PLA2G4E: variants seen among roughly 807,000 people sequenced by gnomAD.
The protein encoded by PLA2G4E is phospholipase A2 group IVE.
A neutral mutation model predicts 109.1 loss-of-function variants in PLA2G4E; 84 were observed. The ratio of observed to expected loss-of-function variants is 0.77; its 90% CI spans 0.65 to 0.92. The LOEUF is 0.92. PLA2G4E is among the 40% of genes least tolerant of loss of function. The probability of loss-of-function intolerance (pLI) is 0.00; values close to 1 mark genes in which losing one functional copy is unlikely to be tolerated. For missense variants in PLA2G4E, 1,057 were observed against 1,076.6 expected, an observed-to-expected ratio of 0.98 and a Z score of 0.25; for synonymous variants, 469 against 436.1, an observed-to-expected ratio of 1.08 and a Z score of -0.94.
chr15:42,008,418 A>G (rs1264882037), intron 2 of PLA2G4E, among the ~76,000 whole-genome samples: 1 of 152,184 alleles, frequency 6.6e-6, no homozygotes, highest in African/African-American at 2.4e-5. Flanking sequence ...CCATCTCCAT[A>G]TGGCTTAATG....
chr15:42,005,731 T>A (rs1166330250), intron 4 of PLA2G4E, among the ~76,000 whole-genome samples: 1 of 152,256 alleles, frequency 6.6e-6, no homozygotes, highest in Non-Finnish European at 1.5e-5. Context: ...AATTATGGTT[T>A]CTCATTTAAG....
At chr15:41,990,735 T>A (rs1480282870) in intron 13 of PLA2G4E, among the ~76,000 whole-genome samples, 5 of 29,584 alleles carry the variant, frequency 1.7e-4, no homozygotes, top group East Asian at 1.0e-3. Flanking sequence ...CCTCCCCTCC[T>A]CTTCCCTTCT....
In PLA2G4E at chr15:42,007,692, C is replaced by T. The variant is rs541877768; in HGVS notation, c.393+37G>A. 5.6e-6 allele frequency: 9 copies of T among 1,597,918 alleles called. No homozygotes were observed. The East Asian group carries it at 9.0e-5, about 16-fold the overall frequency. On this transcript the variant is annotated intron_variant, in intron 3 of 19. Transcript: ENST00000399518. ...AAGTGGGCAAGAGGGGAGTAAAATGCAGACAGGGAAGACAGGTGCAGTCCT... is the reference window on the plus strand; with the variant it reads ...AAGTGGGCAAGAGGGGAGTAAAATGTAGACAGGGAAGACAGGTGCAGTCCT...
intron 5 of PLA2G4E, 42 bp downstream of exon 5, chr15:42,004,896 T>G: frequency 6.2e-7 from 1 of 1,602,540 alleles, no homozygotes. Flanking sequence ...AGCTACTTGA[T>G]GGCCAGGACC....
chr15:41,995,144 C>T (rs1181498012), intron 12 of PLA2G4E, among the ~76,000 whole-genome samples: 1 of 152,248 alleles, frequency 6.6e-6, no homozygotes, highest in African/African-American at 2.4e-5. Flanking sequence ...CGCATGAGGT[C>T]AGAGCTACTG....
intron 3 of PLA2G4E, among the ~76,000 whole-genome samples, chr15:42,007,069 T>A (rs1237852493): frequency 6.6e-6 from 1 of 152,102 alleles, no homozygotes; most frequent in African/African-American, 2.4e-5. Context: ...TAAATAAGTA[T>A]CCCTAAAACA....
chr15:42,019,753 A>G (rs2068630280), intron 1 of PLA2G4E, among the ~76,000 whole-genome samples: 1 of 152,128 alleles, frequency 6.6e-6, no homozygotes, highest in Non-Finnish European at 1.5e-5. Context: ...ACCTGGGAGG[A>G]GCTACCATGG....
chr15:42,024,278 T>G (rs2068674247), intron 1 of PLA2G4E, among the ~76,000 whole-genome samples: 1 of 152,162 alleles, frequency 6.6e-6, no homozygotes, highest in Non-Finnish European at 1.5e-5. Flanking sequence ...CCAAGTCAAG[T>G]GCTCTTTTGG....
chr15:41,991,535 A>G (rs1049062943), intron 13 of PLA2G4E, among the ~76,000 whole-genome samples: 19 of 152,076 alleles, frequency 1.2e-4, no homozygotes, highest in Admixed American at 3.3e-4. Flanking sequence ...GGTGGGATCC[A>G]TCAGAAGTGG....
chr15:42,039,631 T>G (rs922705733), intron 1 of PLA2G4E, among the ~76,000 whole-genome samples: 3 of 151,892 alleles, frequency 2.0e-5, no homozygotes, highest in African/African-American at 7.2e-5. Flanking sequence ...TAAAGATAAA[T>G]AAGTAAAAAA....
intron 1 of PLA2G4E, among the ~76,000 whole-genome samples, 192 bp from the exon 2 acceptor site, chr15:42,013,949 T>C (rs113617931): frequency 0.05 from 6,831 of 136,846 alleles, 488 homozygotes; most frequent in African/African-American, 0.16. Context: ...TAGAGTGCCA[T>C]GGCGCGATCT....
intron 1 of PLA2G4E, among the ~76,000 whole-genome samples, chr15:42,035,709 G>A (rs1245781354): frequency 1.3e-5 from 2 of 152,192 alleles, no homozygotes; most frequent in African/African-American, 2.4e-5. Context: ...AAGTGATTGG[G>A]TAAGGAGCAC....
At chr15:42,040,277 C>G (rs968159953) in intron 1 of PLA2G4E, among the ~76,000 whole-genome samples, 3 of 152,148 alleles carry the variant, frequency 2.0e-5, no homozygotes, top group African/African-American at 7.2e-5. Flanking sequence ...CAAGTGCATA[C>G]AGGATAATTA....
At chr15:42,034,134 G>C (rs1889166740) in intron 1 of PLA2G4E, among the ~76,000 whole-genome samples, 1 of 152,176 alleles carries the variant, frequency 6.6e-6, no homozygotes, top group Non-Finnish European at 1.5e-5. Flanking sequence ...ATCCTGGTTT[G>C]TCCAAGACTA....
chr15:42,001,196 C>A (rs143966595), exon 7 of PLA2G4E: 1 of 1,613,774 alleles, frequency 6.2e-7, no homozygotes, highest in South Asian at 1.1e-5. Context: ...TGTGCATGAA[C>A]CTCCAGGCAG....
chr15:41,994,438 C>G (rs1199470873), intron 12 of PLA2G4E, among the ~76,000 whole-genome samples: 1 of 152,268 alleles, frequency 6.6e-6, no homozygotes, highest in Middle Eastern at 3.2e-3. Context: ...GCCCACCAGT[C>G]ACAGACAGGA....
chr15:42,005,804 CTT>C (rs1199528931), intron 4 of PLA2G4E, among the ~76,000 whole-genome samples, 184 bp downstream of exon 4: 1 of 152,184 alleles, frequency 6.6e-6, no homozygotes, highest in African/African-American at 2.4e-5. Context: ...GAAACAGAAA[CTT>C]AGGGAGTTAT....
chr15:42,012,950 G>T (rs2068552043), intron 2 of PLA2G4E, among the ~76,000 whole-genome samples: 1 of 152,214 alleles, frequency 6.6e-6, no homozygotes, highest in African/African-American at 2.4e-5. Flanking sequence ...GGGGTGGGCA[G>T]TGTGGGAGGG....
At chr15:41,993,290 A>T (rs1370214960) in intron 12 of PLA2G4E, among the ~76,000 whole-genome samples, 1 of 152,172 alleles carries the variant, frequency 6.6e-6, no homozygotes, top group Non-Finnish European at 1.5e-5. Context: ...CAAGCTACTT[A>T]ATCACCGTTC....
Sources: allele counts gnomAD v4.1 joint callset (sites outside exome capture counted in the v4.1 genomes callset), GRCh38; gene constraint gnomAD v4.1.1; transcripts MANE v1.5; gene names NCBI Gene and HGNC (gene_info 2026-07-23, HGNC 2026-07-21).